The following C2CD3 variants were observed in gnomAD, a reference collection of about 807,000 sequenced individuals.
The protein encoded by C2CD3 is C2 domain-containing protein 3.
Under a neutral mutation model 234.0 loss-of-function variants are expected in C2CD3, and 148 were observed. That is an observed-to-expected ratio of 0.63 (90% CI 0.55 to 0.72). The LOEUF (loss-of-function observed/expected upper bound fraction) is 0.72, where lower values mean the gene tolerates loss of function less well. Among genes scored for constraint, C2CD3 ranks in the 30% least tolerant of loss-of-function variants. The pLI, the probability that C2CD3 is intolerant of heterozygous loss-of-function variation, is 0.00. For missense variants in C2CD3, 2,577 were observed against 2,811.5 expected (o/e 0.92, Z 1.89); for synonymous variants, 1,000 against 1,035.4 (o/e 0.97, Z 0.66).
At chr11:74,053,447 G>A (rs1283421713) in intron 26 of C2CD3, among the ~76,000 whole-genome samples, 2 of 152,200 alleles carry the variant, frequency 1.3e-5, no homozygotes, top group African/African-American at 4.8e-5. Flanking sequence ...AAAGTAAGGG[G>A]CAGAATTGGC....
intron 6 of C2CD3, 41 bp downstream of exon 6, chr11:74,133,384 A>G (rs374641947): frequency 5.3e-5 from 84 of 1,578,776 alleles, no homozygotes; most frequent in Non-Finnish European, 1.0e-5. Flanking sequence ...AACAACTATT[A>G]AGAAATGAAC....
chr11:74,108,135 A>G (rs969712062), intron 12 of C2CD3: 8 of 145,008 alleles, frequency 5.5e-5, no homozygotes, highest in African/African-American at 1.9e-4. Flanking sequence ...TGGGCGACAA[A>G]GCGAGACTCT....
chr11:74,103,058 G>A (rs1002248183), intron 14 of C2CD3, 73 bp downstream of exon 14: 14 of 1,412,596 alleles, frequency 9.9e-6, no homozygotes, highest in African/African-American at 7.2e-5. Flanking sequence ...GATTTAAGAC[G>A]AAATAATAAT....
chr11:74,100,640 T>C lies in C2CD3; in HGVS notation c.2617A>G (p.Arg873Gly). The C allele has an allele frequency of 1.9e-6, 3 of 1,613,832 alleles. No homozygotes were observed. Among genetic ancestry groups the C allele is most frequent in the Non-Finnish European group, 2.5e-6 (3 of 1,179,874 alleles). The change falls in exon 15 of 33, where the codon AGG (arginine) becomes GGG (glycine). Residue 873 changes from arginine (R) to glycine (G), a missense_variant. Physicochemically the swap from Arg to Gly is moderately radical, Grantham distance 125 (BLOSUM62 -2). Transcript: ENST00000334126. ...ATTACCATCACATTGTTCTTAAGCC[T>C]TTCCAGGTATTTGGAAGACAGAGAG... is the stretch of plus-strand genomic sequence containing the variant. The part of the protein sequence containing the change: ...PVSLSSKYLE[R>G]LKNNVMVIET...
chr11:74,103,149 C>T lies in C2CD3; in HGVS notation c.2562G>A (p.Pro854=), dbSNP rs139855190. 2.7e-4 allele frequency: 431 copies of T among 1,611,380 alleles called. 4 individuals are homozygous for T. In the South Asian group the frequency reaches 4.3e-3, roughly 16 times the overall value. ...AAGTTACCTGAGAAAAGTTAAAGACCGGTTGTGTTGTGCCCCATGCGATGA... is the reference window on the plus strand; with the variant it reads ...AAGTTACCTGAGAAAAGTTAAAGACTGGTTGTGTTGTGCCCCATGCGATGA... ...RSVIAWGTTQ[P]VFNFSQVIPV... is the part of the protein sequence containing the mutation. The change falls in exon 14 of 33, where the codon CCG becomes CCA. Residue 854 remains proline, a synonymous_variant. Coordinates refer to ENST00000334126, the MANE Select transcript of C2CD3 (RefSeq NM_001286577.2).
chr11:74,156,492 T>A (rs1856033580), intron 3 of C2CD3, among the ~76,000 whole-genome samples: 1 of 150,148 alleles, frequency 6.7e-6, no homozygotes, highest in Non-Finnish European at 1.5e-5. Context: ...AAGGTGAATT[T>A]TATGGTATGT....
At position 74,033,727 on chromosome 11, in the gene C2CD3, C is replaced by A. The variant is rs866242122; in HGVS notation, c.6433G>T (p.Gly2145Cys). ...GCAACAAGACTTTGGCTAGGAGAAC[C>A]CTGCCTAGGCAGGTGGGGGTTGACA... ...RAVNPHLPRQ[G>C]SPSQSLVACE... is the part of the protein sequence containing the mutation. The change falls in exon 31 of 33, where the codon GGT becomes TGT. Residue 2145 changes from glycine to cysteine, a missense_variant. Transcript: ENST00000334126. The A allele has an allele frequency of 6.5e-7, 1 of 1,536,248 alleles. No individual in the cohort carries two copies. The highest frequency in any genetic ancestry group is 1.4e-5 in the African/African-American group (1 of 73,022).
chr11:74,103,444 G>A lies in C2CD3; in HGVS notation c.2267C>T (p.Thr756Ile). 6.2e-7 allele frequency: 1 copy of A among 1,614,180 alleles called. No homozygotes were observed. Among genetic ancestry groups the A allele is most frequent in the African/African-American group, 1.3e-5 (1 of 75,046 alleles). ...PQNLNQIHEE[T>I]AKKAQNLVLP... is the part of the protein sequence containing the mutation. ...CACCAAGTTCTGTGCTTTCTTTGCA[G>A]TTTCCTCATGAATTTGGTTTAAGTT... The change falls in exon 14 of 33, where the codon ACT becomes ATT. Residue 756 changes from threonine (T) to isoleucine (I), a missense_variant. Transcript: ENST00000334126.
chr11:74,044,290 T>C (rs1465526615), intron 28 of C2CD3, among the ~76,000 whole-genome samples: 4 of 152,036 alleles, frequency 2.6e-5, no homozygotes, highest in Non-Finnish European at 5.9e-5. Flanking sequence ...ACCCTGTCTC[T>C]ACTAAAAATA....
chr11:74,074,622 T>G (rs749909060), intron 23 of C2CD3, 22 bp from the exon 24 acceptor site: 8 of 1,576,434 alleles, frequency 5.1e-6, no homozygotes, highest in Non-Finnish European at 6.9e-6. Context: ...TGGAGAAGAA[T>G]AAGGCTAGTC....
chr11:74,095,997 T>G (rs7125032), intron 16 of C2CD3, among the ~76,000 whole-genome samples: 34,389 of 152,086 alleles, frequency 0.23, 4,208 homozygotes, highest in East Asian at 0.3. Context: ...ATCAGTTGGG[T>G]ATAACACCAG....
intron 32 of C2CD3, among the ~76,000 whole-genome samples, chr11:74,020,629 AG>A (rs1177421885): frequency 6.6e-6 from 1 of 152,194 alleles, no homozygotes; most frequent in Non-Finnish European, 1.5e-5. Context: ...CAGGAGTTGG[AG>A]GAACTTAGAT....
intron 24 of C2CD3, 145 bp from the exon 25 acceptor site, chr11:74,057,689 GGC>G (rs1181724410): frequency 1.2e-6 from 1 of 863,784 alleles, no homozygotes; most frequent in Non-Finnish European, 1.8e-6. Flanking sequence ...AATGTTTTCA[GGC>G]TGGGTGTAGT....
intron 24 of C2CD3, among the ~76,000 whole-genome samples, chr11:74,064,989 C>T (rs138155676): frequency 1.1e-3 from 162 of 152,176 alleles, no homozygotes; most frequent in African/African-American, 3.7e-3. Context: ...TCGACAATAC[C>T]ATTCAGGCCA....
At chr11:74,143,769 G>A (rs1196250920) in intron 3 of C2CD3, among the ~76,000 whole-genome samples, 1 of 151,848 alleles carries the variant, frequency 6.6e-6, no homozygotes, top group Non-Finnish European at 1.5e-5. Flanking sequence ...TTGCCCTCTG[G>A]TTTTGGTATT....
chr11:74,037,924 C>T (rs1467059588), intron 29 of C2CD3, among the ~76,000 whole-genome samples: 1 of 152,114 alleles, frequency 6.6e-6, no homozygotes, highest in African/African-American at 2.4e-5. Context: ...CTGTCTAATG[C>T]GATTCCTCAT....
chr11:74,170,594 C>T, intron 1 of C2CD3, 144 bp downstream of exon 1: 1 of 933,184 alleles, frequency 1.1e-6, no homozygotes. Context: ...GCCAATTGCC[C>T]TTCCTTTTAA....
chr11:74,070,280 G>T (rs1229614399), intron 24 of C2CD3, among the ~76,000 whole-genome samples: 2 of 152,176 alleles, frequency 1.3e-5, no homozygotes, highest in East Asian at 3.8e-4. Context: ...CTACAGTGGT[G>T]ACCACAGACC....
intron 5 of C2CD3, among the ~76,000 whole-genome samples, chr11:74,133,807 A>C (rs1284673324): frequency 6.6e-6 from 1 of 152,124 alleles, no homozygotes; most frequent in Non-Finnish European, 1.5e-5. Context: ...CCGGAGACTC[A>C]CCTCTTGTGG....
Sources: gnomAD v4.1 joint callset for allele counts (sites outside exome capture counted in the v4.1 genomes callset) on GRCh38, gnomAD v4.1.1 for gene constraint, MANE v1.5 for transcripts, NCBI Gene and HGNC (gene_info 2026-07-23, HGNC 2026-07-21) for gene names.